COMMD10: variants seen among roughly 807,000 people sequenced by gnomAD.
COMMD10 encodes COMM domain containing 10, also known as COMM domain-containing protein 10.
COMMD10 carries 33 observed loss-of-function variants against 28.9 expected under a neutral mutation model. The observed-to-expected ratio is 1.14, with a 90% CI of 0.87 to 1.53. The LOEUF is 1.53. Ranked by LOEUF, COMMD10 falls within the 40% of genes most tolerant of loss-of-function variation. The pLI is 0.00. For missense variants in COMMD10, 310 were observed against 233.4 expected, an observed-to-expected ratio of 1.33 and a Z score of -2.14; for synonymous variants, 110 against 81.7, an observed-to-expected ratio of 1.35 and a Z score of -1.87.
chr5:116,251,991 T>C (rs2112674788), intron 5 of COMMD10, among the ~76,000 whole-genome samples: 1 of 10,276 alleles, frequency 9.7e-5, no homozygotes, highest in East Asian at 8.6e-3. Context: ...CCATTCTAAG[T>C]GGTGTGAGAA....
chr5:116,214,234 T>C (rs1327121222), intron 5 of COMMD10, among the ~76,000 whole-genome samples: 1 of 152,088 alleles, frequency 6.6e-6, no homozygotes, highest in Non-Finnish European at 1.5e-5. Context: ...AGGGAAGAAA[T>C]AGAAAATATA....
chr5:116,225,058 C>T (rs955148211), intron 5 of COMMD10, among the ~76,000 whole-genome samples: 1 of 151,994 alleles, frequency 6.6e-6, no homozygotes, highest in Non-Finnish European at 1.5e-5. Flanking sequence ...TGTACTGATT[C>T]TTTTGCCATT....
At chr5:116,125,076 G>T (rs1409433653) in intron 4 of COMMD10, among the ~76,000 whole-genome samples, 1 of 152,148 alleles carries the variant, frequency 6.6e-6, no homozygotes, top group Admixed American at 6.5e-5. Context: ...ATTGTTATGT[G>T]TGAATTTGAT....
At chr5:116,221,342 C>T (rs1749250655) in intron 5 of COMMD10, among the ~76,000 whole-genome samples, 1 of 152,146 alleles carries the variant, frequency 6.6e-6, no homozygotes, top group Non-Finnish European at 1.5e-5. Context: ...AGGGTCTCCT[C>T]CCATCTCCTT....
intron 5 of COMMD10, among the ~76,000 whole-genome samples, chr5:116,247,429 A>G (rs972791210): frequency 6.6e-6 from 1 of 152,146 alleles, no homozygotes; most frequent in African/African-American, 2.4e-5. Flanking sequence ...AAGACCTAAC[A>G]GCAGAAATAC....
chr5:116,208,595 G>A (rs971202306), intron 5 of COMMD10, among the ~76,000 whole-genome samples: 2 of 152,130 alleles, frequency 1.3e-5, no homozygotes, highest in African/African-American at 4.8e-5. Flanking sequence ...TGTGACACTT[G>A]CACCTTTAGT....
rs527422430 is a variant in COMMD10, at chr5:116,293,204, C to T, written c.*715C>T. ...ATAATTGTAATGAGTGCTAAATGGG[C>T]ACCATTATTCGAATCAGATACCTTT... is the stretch of plus-strand genomic sequence containing the variant. On this transcript the variant is annotated 3_prime_UTR_variant, in exon 7 of 7. Transcript: ENST00000274458. The T allele has an allele frequency of 2.5e-3, 975 of 386,998 alleles. 3 individuals carry two copies. The highest frequency in any genetic ancestry group is 3.6e-3 in the Non-Finnish European group (797 of 218,874). 24.0% of individuals were successfully genotyped at this position (386,998 alleles called of 1,614,324 possible).
chr5:116,134,429 T>C (rs1467146928), intron 5 of COMMD10, among the ~76,000 whole-genome samples: 1 of 152,206 alleles, frequency 6.6e-6, no homozygotes, highest in East Asian at 1.9e-4. Flanking sequence ...AATTATGATT[T>C]TAATGTTTTA....
At chr5:116,274,257 G>C (rs1750842965) in intron 5 of COMMD10, among the ~76,000 whole-genome samples, 2 of 151,734 alleles carry the variant, frequency 1.3e-5, no homozygotes, top group Admixed American at 1.3e-4. Flanking sequence ...GGTCACTTTT[G>C]GTAAATAGAA....
rs768516305 is a variant in COMMD10 at position 116,085,048 on chromosome 5, C to G, written c.-5C>G. On this transcript the variant is annotated 5_prime_UTR_variant, in exon 1 of 7. Transcript: ENST00000274458. ...ACAGACGGCGGCAGTGCGAGAAAGC[C>G]GAAGATGGCGGTCCCCGCGGCGCTG... The G allele has an allele frequency of 1.2e-6, 2 of 1,607,828 alleles. No homozygotes were observed. Among genetic ancestry groups the G allele is most frequent in the East Asian group, 2.2e-5 (1 of 44,572 alleles).
intron 5 of COMMD10, among the ~76,000 whole-genome samples, chr5:116,185,407 T>C (rs62384211): frequency 0.053 from 8,087 of 152,192 alleles, 310 homozygotes; most frequent in Admixed American, 0.094. Flanking sequence ...GTGCAAGATA[T>C]TGATTGAACA....
At chr5:116,289,321 G>A (rs1580365295) in intron 5 of COMMD10, among the ~76,000 whole-genome samples, 1 of 151,712 alleles carries the variant, frequency 6.6e-6, no homozygotes. Flanking sequence ...CTATTGCTTT[G>A]TATGCTTTGT....
intron 4 of COMMD10, among the ~76,000 whole-genome samples, chr5:116,116,703 A>ATTTTTTC (rs1751244052): frequency 8.2e-6 from 1 of 121,558 alleles, no homozygotes; most frequent in Non-Finnish European, 1.8e-5. Flanking sequence ...AAATGCAGAG[A>ATTTTTTC]TTTTTTTTTT....
chr5:116,161,992 T>A (rs56322212), intron 5 of COMMD10, among the ~76,000 whole-genome samples: 31,664 of 152,158 alleles, frequency 0.21, 5,575 homozygotes, highest in African/African-American at 0.49. Flanking sequence ...TCCCTCATGT[T>A]AATGATGGTC....
At chr5:116,153,568 C>T (rs1752607052) in intron 5 of COMMD10, among the ~76,000 whole-genome samples, 2 of 152,022 alleles carry the variant, frequency 1.3e-5, no homozygotes, top group South Asian at 2.1e-4. Flanking sequence ...TAATATGTGC[C>T]AGGTATTGTT....
At chr5:116,252,600 A>G (rs1750151363) in intron 5 of COMMD10, among the ~76,000 whole-genome samples, 1 of 119,276 alleles carries the variant, frequency 8.4e-6, no homozygotes. Flanking sequence ...GTCAAAGATC[A>G]GATAGTTGTA....
At chr5:116,205,156 T>C (rs1748780063) in intron 5 of COMMD10, among the ~76,000 whole-genome samples, 1 of 152,144 alleles carries the variant, frequency 6.6e-6, no homozygotes, top group South Asian at 2.1e-4. Context: ...ATAATAAATA[T>C]AAATTTTAAA....
intron 5 of COMMD10, among the ~76,000 whole-genome samples, chr5:116,236,504 C>CA (rs34066036): frequency 0.18 from 14,419 of 79,278 alleles, 1,197 homozygotes; most frequent in African/African-American, 0.23. Context: ...GACTCCGTCT[C>CA]AAAAAAAAAA....
At chr5:116,245,685 CAT>C (rs1749930582) in intron 5 of COMMD10, among the ~76,000 whole-genome samples, 1 of 152,118 alleles carries the variant, frequency 6.6e-6, no homozygotes, top group African/African-American at 2.4e-5. Flanking sequence ...GTCGGTTCAA[CAT>C]ATGCAAATCA....
Sources: allele counts gnomAD v4.1 joint callset (sites outside exome capture counted in the v4.1 genomes callset), GRCh38; gene constraint gnomAD v4.1.1; transcripts MANE v1.5; gene names NCBI Gene and HGNC (gene_info 2026-07-23, HGNC 2026-07-21).